TMEM132D: variants seen among roughly 807,000 people sequenced by gnomAD.
TMEM132D encodes transmembrane protein 132D.
TMEM132D carries 21 observed loss-of-function variants against 62.3 expected under a neutral mutation model. The observed-to-expected ratio is 0.34, with a 90% CI of 0.24 to 0.49. TMEM132D has a LOEUF of 0.49. Ranked by LOEUF, TMEM132D falls within the 20% of genes least tolerant of loss-of-function variation. The pLI is 0.99. For synonymous variants in TMEM132D, 621 were observed against 575.6 expected, an observed-to-expected ratio of 1.08 and a Z score of -1.13; for missense variants, 1,346 against 1,402.8, an observed-to-expected ratio of 0.96 and a Z score of 0.65.
rs143092144 is a variant in TMEM132D at position 129,615,276 on chromosome 12, T to C, written c.969-84071A>G. ...TTTCACCTCTAGGCAGACTCTGGAG[T>C]CCACAGCAACCTCATCATCAGGGAT... On this transcript the variant is annotated intron_variant, in intron 2 of 8. Coordinates refer to ENST00000422113, the MANE Select transcript of TMEM132D (RefSeq NM_133448.3). 3.6e-4 allele frequency among the ~76,000 whole-genome samples: 55 copies of C among 151,924 alleles called. 2 individuals are homozygous for C. In the East Asian group the frequency reaches 0.011, roughly 30 times the overall value.
intron 1 of TMEM132D, among the ~76,000 whole-genome samples, chr12:129,812,358 A>C (rs574833809): frequency 6.6e-6 from 1 of 151,876 alleles, no homozygotes; most frequent in East Asian, 1.9e-4. Flanking sequence ...CATTTGCTTA[A>C]ATTTGCCAGG....
At chr12:129,416,935 T>A (rs1265067688) in intron 3 of TMEM132D, among the ~76,000 whole-genome samples, 2 of 152,226 alleles carry the variant, frequency 1.3e-5, no homozygotes, top group Non-Finnish European at 2.9e-5. Flanking sequence ...TGCTGCTGGA[T>A]TCAGTTTGCC....
chr12:129,695,871 C>T lies in TMEM132D; in HGVS notation c.968+3939G>A, dbSNP rs558325507. 1.4e-4 allele frequency among the ~76,000 whole-genome samples: 21 copies of T among 152,344 alleles called. No individual in the cohort carries two copies. In the South Asian group the frequency reaches 3.9e-3, roughly 29 times the overall value. The stretch of plus-strand genomic sequence containing the variant: ...AGCCACCAACCTCCATCAGAATCTG[C>T]ATGGCCAAGCTGGGTCCCATGATAT... On this transcript the variant is annotated intron_variant, in intron 2 of 8. Transcript: ENST00000422113.
intron 5 of TMEM132D, among the ~76,000 whole-genome samples, chr12:129,155,142 C>T (rs1022086305): frequency 6.6e-6 from 1 of 152,170 alleles, no homozygotes; most frequent in Admixed American, 6.5e-5. Flanking sequence ...TGCACAGATG[C>T]CAGTAATTGG....
intron 5 of TMEM132D, among the ~76,000 whole-genome samples, chr12:129,158,702 G>A (rs1050484492): frequency 6.6e-6 from 1 of 150,908 alleles, no homozygotes; most frequent in African/African-American, 2.4e-5. Flanking sequence ...GAGCACATTG[G>A]GGAATTTCAG....
Position 129,269,685 on chromosome 12 carries a change from C to A in TMEM132D, c.1300-60022G>T, listed in dbSNP as rs898760961. Among the ~76,000 whole-genome samples the A allele has an allele frequency of 1.4e-3, 171 of 125,910 alleles. 1 individual carries two copies. Among genetic ancestry groups the A allele is most frequent in the African/African-American group, 4.9e-3 (163 of 33,152 alleles). 82.6% of individuals were successfully genotyped at this position (125,910 alleles called of 152,430 possible). A position where few individuals can be genotyped will look rare whatever the true frequency, so the allele number is the denominator to read the frequency against. On this transcript the variant is annotated intron_variant, in intron 4 of 8. Coordinates refer to ENST00000422113, the MANE Select transcript of TMEM132D (RefSeq NM_133448.3). ...CTGGAGACCTTCTCACTTAACAAAA[C>A]CCCCCCAGTTACCACTGTTCTAGGG... is the stretch of plus-strand genomic sequence containing the variant.
intron 2 of TMEM132D, among the ~76,000 whole-genome samples, chr12:129,690,226 CA>C (rs1443459168): frequency 6.6e-6 from 1 of 151,578 alleles, no homozygotes; most frequent in East Asian, 1.9e-4. Context: ...ATCAGTACAC[CA>C]AGAGAGGATA....
At chr12:129,389,183 T>A (rs1871229156) in intron 3 of TMEM132D, among the ~76,000 whole-genome samples, 1 of 151,700 alleles carries the variant, frequency 6.6e-6, no homozygotes, top group East Asian at 1.9e-4. Flanking sequence ...CTAATATTAA[T>A]ACAAGCACTA....
At chr12:129,686,799 A>G (rs1004975276) in intron 2 of TMEM132D, among the ~76,000 whole-genome samples, 4 of 152,140 alleles carry the variant, frequency 2.6e-5, no homozygotes, top group African/African-American at 7.2e-5. Flanking sequence ...CATTTCTTGG[A>G]TGTTCCTTCA....
intron 2 of TMEM132D, among the ~76,000 whole-genome samples, chr12:129,675,903 G>C (rs1880616667): frequency 6.6e-6 from 1 of 152,196 alleles, no homozygotes; most frequent in Non-Finnish European, 1.5e-5. Context: ...ATGACCATGA[G>C]TGAAAAACAG....
intron 4 of TMEM132D, among the ~76,000 whole-genome samples, chr12:129,244,279 G>A (rs7978271): frequency 0.22 from 32,340 of 148,700 alleles, 3,679 homozygotes; most frequent in Non-Finnish European, 0.25. Context: ...CCAGCTACTC[G>A]GGAGGCTGAG....
intron 2 of TMEM132D, among the ~76,000 whole-genome samples, chr12:129,613,150 A>G (rs1453799034): frequency 6.6e-6 from 1 of 152,140 alleles, no homozygotes; most frequent in Non-Finnish European, 1.5e-5. Context: ...AGTTGGTTAG[A>G]CACATTTCAG....
At chr12:129,631,582 A>G (rs1163402531) in intron 2 of TMEM132D, among the ~76,000 whole-genome samples, 1 of 152,214 alleles carries the variant, frequency 6.6e-6, no homozygotes, top group Non-Finnish European at 1.5e-5. Context: ...AAAGCAAAGA[A>G]TGTCTCATAG....
intron 5 of TMEM132D, among the ~76,000 whole-genome samples, chr12:129,165,326 G>A (rs1377039110): frequency 6.6e-6 from 1 of 152,078 alleles, no homozygotes; most frequent in African/African-American, 2.4e-5. Flanking sequence ...TCATCACTGG[G>A]CACTCTTAAG....
intron 3 of TMEM132D, among the ~76,000 whole-genome samples, chr12:129,516,750 A>C (rs969634708): frequency 6.6e-6 from 1 of 152,228 alleles, no homozygotes; most frequent in Non-Finnish European, 1.5e-5. Flanking sequence ...CTACTGTAAC[A>C]AATGACCACA....
At chr12:129,893,666 G>A (rs1316390622) in intron 1 of TMEM132D, among the ~76,000 whole-genome samples, 2 of 152,210 alleles carry the variant, frequency 1.3e-5, no homozygotes, top group East Asian at 1.9e-4. Flanking sequence ...AGCAGAAGGA[G>A]ACCAATGTAG....
At chr12:129,263,362 T>A (rs111934237) in intron 4 of TMEM132D, among the ~76,000 whole-genome samples, 191 of 152,324 alleles carry the variant, frequency 1.3e-3, no homozygotes, top group African/African-American at 4.4e-3. Context: ...ATGTTCTAAG[T>A]GCCTAGCTTA....
At chr12:129,349,306 T>C (rs1449943598) in intron 3 of TMEM132D, among the ~76,000 whole-genome samples, 2 of 152,330 alleles carry the variant, frequency 1.3e-5, no homozygotes, top group African/African-American at 4.8e-5. Flanking sequence ...GTCATTCTTG[T>C]ATTCAAGTTA....
intron 5 of TMEM132D, among the ~76,000 whole-genome samples, chr12:129,144,170 A>T (rs1375014480): frequency 6.6e-6 from 1 of 151,982 alleles, no homozygotes; most frequent in Non-Finnish European, 1.5e-5. Flanking sequence ...GAAGGGTGGG[A>T]TCTAGGATGA....
Sources: gnomAD v4.1 joint callset for allele counts (sites outside exome capture counted in the v4.1 genomes callset) on GRCh38, gnomAD v4.1.1 for gene constraint, MANE v1.5 for transcripts, NCBI Gene and HGNC (gene_info 2026-07-23, HGNC 2026-07-21) for gene names.